Variants in ERICH2 observed in about 807,000 individuals in gnomAD.
ERICH2 encodes the protein glutamate-rich protein 2.
Under a neutral mutation model 17.4 loss-of-function variants are expected in ERICH2, and 17 were observed. The ratio of observed to expected loss-of-function variants is 0.98; its 90% confidence interval spans 0.67 to 1.47. The LOEUF (loss-of-function observed/expected upper bound fraction) is 1.47, where lower values mean the gene tolerates loss of function less well. Ranked by LOEUF, ERICH2 falls within the 40% of genes most tolerant of loss-of-function variation. The pLI is 0.00. For missense variants in ERICH2, 186 were observed against 183.2 expected (o/e 1.01, Z -0.09); for synonymous variants, 51 against 61.1 (o/e 0.83, Z 0.77).
upstream of ERICH2, among the ~76,000 whole-genome samples, chr2:170,781,749 A>ATGTTAGTAAATAT (rs1575405368): frequency 3.9e-5 from 6 of 152,126 alleles, no homozygotes; most frequent in South Asian, 2.1e-4. Context: ...ACTAACATGA[A>ATGTTAGTAAATAT]GCTTCAAGTT....
chr2:170,775,531 T>C, the ERICH2 span: 7 of 152,186 alleles, frequency 4.6e-5, no homozygotes, highest in Non-Finnish European at 8.8e-5. Flanking sequence ...TGAAAGTGTC[T>C]CTCAGGGGAG....
At chr2:170,783,958 G>A in intron 1 of ERICH2, 1 of 1,525,710 alleles carries the variant, frequency 6.6e-7, no homozygotes, top group South Asian at 1.2e-5. Flanking sequence ...AGAGTCAGGA[G>A]TTTGTTTTAG....
chr2:170,789,258 C>G (rs573925052), intron 2 of ERICH2, among the ~76,000 whole-genome samples: 66 of 152,158 alleles, frequency 4.3e-4, no homozygotes, highest in African/African-American at 1.4e-3. Context: ...AGCCACTGTG[C>G]CCATCCTAGA....
At chr2:170,773,637 T>C in the ERICH2 span, among the ~76,000 whole-genome samples, 1 of 151,732 alleles carries the variant, frequency 6.6e-6, no homozygotes, top group African/African-American at 2.4e-5. Flanking sequence ...CTTCTCAAAG[T>C]AGAGTATCTT....
At chr2:170,789,935 G>A (rs963253786) in intron 2 of ERICH2, among the ~76,000 whole-genome samples, 21 of 152,300 alleles carry the variant, frequency 1.4e-4, no homozygotes, top group African/African-American at 4.3e-4. Flanking sequence ...TGGGGAAAGA[G>A]TGTGTGGTGA....
exon 2 of ERICH2, chr2:170,784,660 G>A (rs1466843476): frequency 1.3e-6 from 2 of 1,520,228 alleles, no homozygotes; most frequent in Non-Finnish European, 1.8e-6. Context: ...AGTGAGCAAA[G>A]ATGCAGTCAT....
chr2:170,772,699 C>T, the ERICH2 span, among the ~76,000 whole-genome samples: 9 of 152,150 alleles, frequency 5.9e-5, no homozygotes, highest in African/African-American at 2.2e-4. Flanking sequence ...AAATATTGTT[C>T]CTGCATCATG....
chr2:170,775,983 G>A, the ERICH2 span, among the ~76,000 whole-genome samples: 1 of 151,958 alleles, frequency 6.6e-6, no homozygotes, highest in Non-Finnish European at 1.5e-5. Flanking sequence ...TTAAAGTCTG[G>A]TTTGGGTGTG....
chr2:170,782,879 G>C (rs564047118), upstream of ERICH2, among the ~76,000 whole-genome samples: 51 of 152,256 alleles, frequency 3.3e-4, no homozygotes, highest in African/African-American at 1.2e-3. Context: ...TCGAGCCCTA[G>C]AGTTTGAGAC....
At chr2:170,798,687 G>A (rs765481023) in intron 4 of ERICH2, 83 bp from the exon 10 acceptor site, 410 of 1,493,998 alleles carry the variant, frequency 2.7e-4, no homozygotes, top group Middle Eastern at 1.7e-3. Flanking sequence ...GTATTTCTTG[G>A]TAGAGGGAGG....
intron 2 of ERICH2, among the ~76,000 whole-genome samples, chr2:170,792,525 AC>A (rs1339216744): frequency 6.6e-6 from 1 of 152,236 alleles, no homozygotes; most frequent in Non-Finnish European, 1.5e-5. Flanking sequence ...TACAAATGAA[AC>A]CTGTATCTGA....
the ERICH2 span, among the ~76,000 whole-genome samples, chr2:170,772,612 TAGTC>T: frequency 2.6e-5 from 4 of 152,218 alleles, no homozygotes; most frequent in South Asian, 2.1e-4. Flanking sequence ...AATTTATATT[TAGTC>T]AGTTTAAAAA....
At chr2:170,771,107 C>T in the ERICH2 span, 1 of 154,316 alleles carries the variant, frequency 6.5e-6, no homozygotes, top group Non-Finnish European at 1.5e-5. This position sits in a 1 kb window ranked among gnomAD's most constrained non-coding sequence, Gnocchi z 4.8. Context: ...ACTCGGAGCC[C>T]CCAGCTCCGC....
the ERICH2 span, chr2:170,777,741 T>G: frequency 9.3e-7 from 1 of 1,073,502 alleles, no homozygotes; most frequent in Non-Finnish European, 1.2e-6. Context: ...CAATTAGAAC[T>G]AGATAATGCA....
At chr2:170,798,448 C>G (rs974199270) in intron 4 of ERICH2, among the ~76,000 whole-genome samples, 8 of 152,226 alleles carry the variant, frequency 5.3e-5, no homozygotes, top group African/African-American at 1.9e-4. Context: ...TGTCTCAATT[C>G]CTTTCAATGG....
At chr2:170,788,819 G>T (rs947482648) in intron 2 of ERICH2, among the ~76,000 whole-genome samples, 1 of 151,962 alleles carries the variant, frequency 6.6e-6, no homozygotes, top group Non-Finnish European at 1.5e-5. Flanking sequence ...GGAAAGAGTA[G>T]AACAATGAAC....
chr2:170,775,522 G>C, the ERICH2 span: 1 of 152,162 alleles, frequency 6.6e-6, no homozygotes, highest in African/African-American at 2.4e-5. Flanking sequence ...TCTGTGAAAT[G>C]AAAGTGTCTC....
chr2:170,782,417 C>G (rs1384834193), upstream of ERICH2: 22 of 967,564 alleles, frequency 2.3e-5, no homozygotes, highest in Non-Finnish European at 2.6e-5. Context: ...ATTGAATTAA[C>G]TAACTATGGC....
intron 3 of ERICH2, among the ~76,000 whole-genome samples, chr2:170,796,180 T>G (rs1292424374): frequency 6.6e-6 from 1 of 152,142 alleles, no homozygotes; most frequent in Non-Finnish European, 1.5e-5. Context: ...GTGCAAAAAA[T>G]TACTTTGCTC....
Sources: gnomAD v4.1 joint callset for allele counts (sites outside exome capture counted in the v4.1 genomes callset) on GRCh38, gnomAD v4.1.1 for gene constraint, Gnocchi (gnomAD v3.1) non-coding constraint, MANE v1.5 for transcripts, NCBI Gene and HGNC (gene_info 2026-07-23, HGNC 2026-07-21) for gene names.